The following ADGRL2 variants were observed in gnomAD, a reference collection of about 807,000 sequenced individuals.
ADGRL2 encodes calcium-independent alpha-latrotoxin receptor 2.
In ADGRL2, 44 loss-of-function variants were observed where a neutral mutation model predicts 157.4. That is an observed-to-expected ratio of 0.28 (90% CI 0.22 to 0.36). The LOEUF (loss-of-function observed/expected upper bound fraction) is 0.36. ADGRL2 is among the 10% of genes least tolerant of loss of function. The pLI is 1.00. For missense variants in ADGRL2, 1,510 were observed against 1,768.9 expected, an observed-to-expected ratio of 0.85 and a Z score of 2.63; for synonymous variants, 585 against 624.7, an observed-to-expected ratio of 0.94 and a Z score of 0.95.
At chr1:81,437,394 G>T (rs1320641638) in intron 1 of ADGRL2, among the ~76,000 whole-genome samples, 1 of 152,062 alleles carries the variant, frequency 6.6e-6, no homozygotes, top group Non-Finnish European at 1.5e-5. Flanking sequence ...TAGATTAACA[G>T]GCCTTGTGTT....
intron 2 of ADGRL2, among the ~76,000 whole-genome samples, chr1:81,529,873 A>G (rs2079557419): frequency 6.6e-6 from 1 of 152,240 alleles, no homozygotes; most frequent in Non-Finnish European, 1.5e-5. Context: ...GTATGGAAGT[A>G]GTTAATAAGG....
chr1:81,553,736 C>T (rs1056523185), intron 2 of ADGRL2, among the ~76,000 whole-genome samples: 1 of 152,182 alleles, frequency 6.6e-6, no homozygotes, highest in African/African-American at 2.4e-5. Flanking sequence ...GTCAGTCTTT[C>T]AAAGTTATGC....
At chr1:81,322,983 G>A (rs1660635864) in intron 1 of ADGRL2, among the ~76,000 whole-genome samples, 1 of 151,908 alleles carries the variant, frequency 6.6e-6, no homozygotes, top group African/African-American at 2.4e-5. Flanking sequence ...TCAGCCCCCT[G>A]AATAGTTGGG....
intron 1 of ADGRL2, among the ~76,000 whole-genome samples, chr1:81,408,105 A>G (rs2076886609): frequency 6.6e-6 from 1 of 152,208 alleles, no homozygotes; most frequent in African/African-American, 2.4e-5. Flanking sequence ...GTTACGATGT[A>G]CATCTATTGT....
chr1:81,312,453 G>T (rs932399470), intron 1 of ADGRL2, among the ~76,000 whole-genome samples: 1 of 152,174 alleles, frequency 6.6e-6, no homozygotes, highest in Non-Finnish European at 1.5e-5. Flanking sequence ...GTTCACAAAC[G>T]TGGATAGAAA....
At chr1:81,792,555 G>C (rs902488195) in intron 2 of ADGRL2, among the ~76,000 whole-genome samples, 2 of 151,952 alleles carry the variant, frequency 1.3e-5, no homozygotes, top group Non-Finnish European at 2.9e-5. Flanking sequence ...CAGATTAATG[G>C]AACCTTGTTA....
chr1:81,492,181 A>G (rs1435804366), intron 2 of ADGRL2, among the ~76,000 whole-genome samples: 1 of 152,138 alleles, frequency 6.6e-6, no homozygotes, highest in Non-Finnish European at 1.5e-5. Context: ...TCCTTTTTTC[A>G]GTCTAACATT....
At chr1:81,765,610 A>G (rs2086089281) in intron 2 of ADGRL2, among the ~76,000 whole-genome samples, 2 of 152,066 alleles carry the variant, frequency 1.3e-5, no homozygotes, top group Admixed American at 6.5e-5. Context: ...AATAAAATAA[A>G]TATTTTAATG....
intron 1 of ADGRL2, among the ~76,000 whole-genome samples, chr1:81,349,659 CACACAT>C (rs1662738798): frequency 8.2e-6 from 1 of 121,308 alleles, no homozygotes; most frequent in African/African-American, 3.1e-5. Context: ...CACACACACA[CACACAT>C]CAGCATTCAT....
intron 2 of ADGRL2, among the ~76,000 whole-genome samples, chr1:81,475,405 T>C (rs1292545948): frequency 6.6e-6 from 1 of 152,164 alleles, no homozygotes; most frequent in Non-Finnish European, 1.5e-5. Flanking sequence ...ACATCTTTGC[T>C]CAAAGGTATC....
At chr1:81,680,712 AT>A (rs1217418150) in intron 3 of ADGRL2, among the ~76,000 whole-genome samples, 3 of 152,102 alleles carry the variant, frequency 2.0e-5, no homozygotes, top group South Asian at 2.1e-4. Flanking sequence ...CAGAAAAAAA[AT>A]TTTTTTTAAA....
At chr1:81,910,672 G>C (rs1267106923) in intron 3 of ADGRL2, among the ~76,000 whole-genome samples, 2 of 147,708 alleles carry the variant, frequency 1.4e-5, no homozygotes, top group African/African-American at 5.0e-5. Context: ...ATCTTTATTA[G>C]AATTTTCCTA....
intron 2 of ADGRL2, among the ~76,000 whole-genome samples, chr1:81,785,703 G>A (rs1470493657): frequency 1.3e-5 from 2 of 152,006 alleles, no homozygotes; most frequent in Admixed American, 6.6e-5. Flanking sequence ...ATTCTAGCCT[G>A]AGCGACAAAG....
chr1:81,829,380 C>T (rs1211714034), intron 1 of ADGRL2, among the ~76,000 whole-genome samples: 1 of 151,988 alleles, frequency 6.6e-6, no homozygotes, highest in Non-Finnish European at 1.5e-5. Context: ...CAAGAAAATC[C>T]TTTTGTTTTG....
At chr1:81,626,208 C>A (rs546869036) in intron 3 of ADGRL2, among the ~76,000 whole-genome samples, 1 of 152,308 alleles carries the variant, frequency 6.6e-6, no homozygotes, top group South Asian at 2.1e-4. Context: ...CCACACCTTG[C>A]CTGGGAAATA....
chr1:81,828,874 A>G (rs564603219), intron 1 of ADGRL2, among the ~76,000 whole-genome samples: 22 of 149,776 alleles, frequency 1.5e-4, no homozygotes, highest in Non-Finnish European at 3.3e-4. Flanking sequence ...GTCCATGAAT[A>G]TTTTTCTTAC....
At chr1:81,490,148 C>T (rs985390965) in intron 2 of ADGRL2, among the ~76,000 whole-genome samples, 222 of 92,470 alleles carry the variant, frequency 2.4e-3, no homozygotes, top group African/African-American at 5.3e-3. Flanking sequence ...TTTTTTTTTT[C>T]GAGACAGAGT....
intron 2 of ADGRL2, among the ~76,000 whole-genome samples, chr1:81,895,194 A>C (rs1435917978): frequency 6.6e-6 from 1 of 152,120 alleles, no homozygotes; most frequent in African/African-American, 2.4e-5. Flanking sequence ...TTGTTAACCC[A>C]AATAAGTTCT....
At chr1:81,360,564 T>C (rs1258719570) in intron 1 of ADGRL2, among the ~76,000 whole-genome samples, 1 of 151,966 alleles carries the variant, frequency 6.6e-6, no homozygotes, top group African/African-American at 2.4e-5. Context: ...CATTTATGCA[T>C]TGTTTTTAGT....
Sources: allele counts gnomAD v4.1 joint callset (sites outside exome capture counted in the v4.1 genomes callset), GRCh38; gene constraint gnomAD v4.1.1; transcripts MANE v1.5; gene names NCBI Gene and HGNC (gene_info 2026-07-23, HGNC 2026-07-21).